Variants in SDK2 observed in about 807,000 individuals in gnomAD.
SDK2 encodes the protein protein sidekick-2.
Under a neutral mutation model 253.9 loss-of-function variants are expected in SDK2, and 105 were observed. The ratio of observed to expected loss-of-function variants is 0.41; its 90% CI spans 0.35 to 0.49. The LOEUF (loss-of-function observed/expected upper bound fraction) is 0.49, where lower values mean the gene tolerates loss of function less well. Among genes scored for constraint, SDK2 ranks in the 20% least tolerant of loss-of-function variants. The probability of loss-of-function intolerance (pLI) is 0.06; values close to 1 mark genes in which losing one functional copy is unlikely to be tolerated. For synonymous variants in SDK2, 1,249 were observed against 1,234.9 expected (o/e 1.01, Z -0.24); for missense variants, 2,608 against 3,003.0 (o/e 0.87, Z 3.07).
intron 2 of SDK2, among the ~76,000 whole-genome samples, chr17:73,482,888 G>T (rs2063735278): frequency 6.6e-6 from 1 of 152,224 alleles, no homozygotes; most frequent in Admixed American, 6.5e-5. Flanking sequence ...GCATCGGGTT[G>T]TGAGCCAAAC....
chr17:73,440,922 A>G lies in SDK2; in HGVS notation c.615T>C (p.Asn205=), dbSNP rs2063410728. 2 of 1,546,826 alleles carry G rather than the reference A, an allele frequency of 1.3e-6. No homozygotes were observed. The highest frequency in any genetic ancestry group is 1.7e-6 in the Non-Finnish European group (2 of 1,143,110). ...CGATGGGGTCTGCAGGCCCCCCTACATCTGGAGAGAGATCAGATGTTAGCT... is the reference window on the plus strand; with the variant it reads ...CGATGGGGTCTGCAGGCCCCCCTACGTCTGGAGAGAGATCAGATGTTAGCT... ...TSQPITLTVE[N]VGGPADPIAP... Residue 205 remains asparagine (N), a splice_region_variant and synonymous_variant, in exon 6 of 45, where the codon AAT becomes AAC. Transcript: ENST00000392650.
chr17:73,515,123 A>AT (rs1185142817), intron 1 of SDK2, among the ~76,000 whole-genome samples: 3 of 152,104 alleles, frequency 2.0e-5, no homozygotes, highest in African/African-American at 7.2e-5. Context: ...AACCACTATC[A>AT]TTTTCCCCAT....
chr17:73,350,528 C>G, intron 42 of SDK2, 122 bp downstream of exon 42: 1 of 1,405,184 alleles, frequency 7.1e-7, no homozygotes, highest in Non-Finnish European at 9.6e-7. Flanking sequence ...TAGGCTGCCC[C>G]ACCCACCAGA....
intron 14 of SDK2, among the ~76,000 whole-genome samples, chr17:73,422,672 ATT>A (rs2063242455): frequency 6.6e-6 from 1 of 151,984 alleles, no homozygotes; most frequent in African/African-American, 2.4e-5. Flanking sequence ...ACTGAGATGC[ATT>A]TGTCTCCCCC....
intron 1 of SDK2, chr17:73,516,517 A>AGGG (rs2064029355): frequency 6.6e-6 from 1 of 152,272 alleles, no homozygotes; most frequent in Non-Finnish European, 1.5e-5. Context: ...GCCCCAGAGC[A>AGGG]CCCTAGCCCC....
Position 73,541,706 on chromosome 17 carries a change from G to A in SDK2, c.65-34109C>T, listed in dbSNP as rs552660020. Among the ~76,000 whole-genome samples, 6 of 152,302 alleles carry A rather than the reference G, an allele frequency of 3.9e-5. No individual in the cohort carries two copies. Among genetic ancestry groups the A allele is most frequent in the South Asian group, 4.1e-4 (2 of 4,828 alleles). On this transcript the variant is annotated intron_variant, in intron 1 of 44. Transcript: ENST00000392650. The surrounding 1 kb of genome is among the most constrained non-coding windows in gnomAD (Gnocchi z 4.3). ...AATGAGTTTGCCCAGAATGCACAGC[G>A]GCAGAAGGAAGGGGGCGCGGGGCGG... is the stretch of plus-strand genomic sequence containing the variant.
Position 73,385,927 on chromosome 17 carries a change from G to A in SDK2, c.4499-10C>T, listed in dbSNP as rs1237164324. ...GGTGCTTCATCGGGGGCTGTGGAGA[G>A]AAGCAGACAGGTGGGTTCTGGGGGC... On this transcript the variant is annotated splice_polypyrimidine_tract_variant and intron_variant, in intron 31 of 44. Transcript: ENST00000392650. The A allele has an allele frequency of 6.3e-6, 10 of 1,593,326 alleles. No individual in the cohort carries two copies. In the African/African-American group the frequency reaches 1.3e-4, roughly 21 times the overall value.
At chr17:73,631,971 A>T (rs1228735818) in intron 1 of SDK2, among the ~76,000 whole-genome samples, 1 of 152,052 alleles carries the variant, frequency 6.6e-6, no homozygotes, top group East Asian at 1.9e-4. Context: ...GGGAGGTGGG[A>T]GGGTCCAAGA....
intron 1 of SDK2, among the ~76,000 whole-genome samples, chr17:73,529,881 A>G (rs1599652419): frequency 6.6e-6 from 1 of 152,170 alleles, no homozygotes; most frequent in Non-Finnish European, 1.5e-5. Context: ...TACTTGAGCC[A>G]CCCAGTTTGT....
intron 36 of SDK2, among the ~76,000 whole-genome samples, chr17:73,378,919 T>A (rs2062807290): frequency 6.6e-6 from 1 of 152,144 alleles, no homozygotes; most frequent in African/African-American, 2.4e-5. Context: ...GGCTAGAGTT[T>A]CTTGCACCTA....
Position 73,541,341 on chromosome 17 carries a change from C to T in SDK2, c.65-33744G>A, listed in dbSNP as rs1223197831. 9.2e-5 allele frequency among the ~76,000 whole-genome samples: 14 copies of T among 152,146 alleles called. No homozygotes were observed. Among genetic ancestry groups the T allele is most frequent in the African/African-American group, 2.2e-4 (9 of 41,424 alleles). On this transcript the variant is annotated intron_variant, in intron 1 of 44. Transcript: ENST00000392650. The surrounding 1 kb of genome is among the most constrained non-coding windows in gnomAD (Gnocchi z 4.3). Reference sequence around the variant, plus strand: ...AGCCAGGCTCTCCCTGCTGGTGGAGCGGATGTGGGGCATGGCTAATCCCCA... The same window carrying T: ...AGCCAGGCTCTCCCTGCTGGTGGAGTGGATGTGGGGCATGGCTAATCCCCA...
At chr17:73,369,228 G>A in intron 36 of SDK2, 1 of 466,840 alleles carries the variant, frequency 2.1e-6, no homozygotes. Context: ...CCTACGGGAG[G>A]CTGAGCTGGG....
intron 1 of SDK2, among the ~76,000 whole-genome samples, chr17:73,509,843 T>G: frequency 7.7e-6 from 1 of 129,470 alleles, no homozygotes; most frequent in South Asian, 2.5e-4. Context: ...GAGGTTGCAG[T>G]GAGCCGAGAT....
chr17:73,372,098 GT>G (rs1208363243), intron 36 of SDK2, among the ~76,000 whole-genome samples: 6 of 152,250 alleles, frequency 3.9e-5, no homozygotes, highest in Admixed American at 3.9e-4. Flanking sequence ...ATGCTCTTGG[GT>G]GAGGAGTGGG....
At chr17:73,546,674 T>C (rs369649101) in intron 1 of SDK2, among the ~76,000 whole-genome samples, 53 of 152,314 alleles carry the variant, frequency 3.5e-4, no homozygotes, top group African/African-American at 1.2e-3. Flanking sequence ...TGGGGAGACC[T>C]CGCTTCCTGT....
chr17:73,582,165 C>G (rs113008244), intron 1 of SDK2, among the ~76,000 whole-genome samples: 3,027 of 152,166 alleles, frequency 0.02, 102 homozygotes, highest in African/African-American at 0.062. Context: ...GGGGCGCTCA[C>G]CACGCAGGCA....
chr17:73,400,145 A>G (rs2063010237), intron 21 of SDK2, among the ~76,000 whole-genome samples: 6 of 152,210 alleles, frequency 3.9e-5, no homozygotes, highest in Admixed American at 3.3e-4. Flanking sequence ...ACTGATCTGG[A>G]TGGGACCACA....
intron 1 of SDK2, among the ~76,000 whole-genome samples, chr17:73,583,939 C>T (rs574729801): frequency 6.6e-6 from 1 of 152,220 alleles, no homozygotes; most frequent in South Asian, 2.1e-4. Context: ...CATTGACATG[C>T]AGATTTTGAC....
At chr17:73,593,626 GC>G (rs1005521700) in intron 1 of SDK2, among the ~76,000 whole-genome samples, 45 of 152,198 alleles carry the variant, frequency 3.0e-4, no homozygotes, top group Non-Finnish European at 5.0e-4. Flanking sequence ...TCTCTGCAGT[GC>G]CCCCCCAAAG....
Sources: gnomAD v4.1 joint callset for allele counts (sites outside exome capture counted in the v4.1 genomes callset) on GRCh38, gnomAD v4.1.1 for gene constraint, Gnocchi (gnomAD v3.1) non-coding constraint, MANE v1.5 for transcripts, NCBI Gene and HGNC (gene_info 2026-07-23, HGNC 2026-07-21) for gene names.